The following NPLOC4 variants were observed in gnomAD, a reference collection of about 807,000 sequenced individuals.
NPLOC4 encodes nuclear protein localization protein 4 homolog.
A neutral mutation model predicts 80.6 loss-of-function variants in NPLOC4; 18 were observed. The observed-to-expected ratio is 0.22, with a 90% CI of 0.15 to 0.33. The LOEUF (loss-of-function observed/expected upper bound fraction) is 0.33. Among genes scored for constraint, NPLOC4 ranks in the 10% least tolerant of loss-of-function variants. The probability of loss-of-function intolerance (pLI) is 1.00; values close to 1 mark genes in which losing one functional copy is unlikely to be tolerated. For missense variants in NPLOC4, 540 were observed against 786.1 expected (o/e 0.69, Z 3.74); for synonymous variants, 313 against 301.5 (o/e 1.04, Z -0.39).
intron 8 of NPLOC4, among the ~76,000 whole-genome samples, chr17:81,602,082 G>A (rs1048181169): frequency 2.0e-5 from 3 of 152,080 alleles, no homozygotes; most frequent in Non-Finnish European, 4.4e-5. Context: ...GCATGCATGC[G>A]TGTGTGTATG....
At chr17:81,599,162 G>A (rs1205425115) in intron 9 of NPLOC4, among the ~76,000 whole-genome samples, 2 of 151,750 alleles carry the variant, frequency 1.3e-5, no homozygotes, top group African/African-American at 2.4e-5. Flanking sequence ...TGTGGCGGGT[G>A]CCTGTAATCC....
intron 1 of NPLOC4, among the ~76,000 whole-genome samples, chr17:81,632,582 G>T (rs1403454981): frequency 1.3e-5 from 2 of 152,018 alleles, no homozygotes; most frequent in African/African-American, 4.8e-5. Flanking sequence ...CCAAAGTGCT[G>T]GGATTACAGG....
At chr17:81,634,012 C>T (rs1483288468) in intron 1 of NPLOC4, among the ~76,000 whole-genome samples, 2 of 151,794 alleles carry the variant, frequency 1.3e-5, no homozygotes, top group African/African-American at 4.8e-5. Context: ...TACAGGTGCA[C>T]GCCACCACGC....
At chr17:81,633,645 A>G (rs920029887) in intron 1 of NPLOC4, among the ~76,000 whole-genome samples, 1 of 152,222 alleles carries the variant, frequency 6.6e-6, no homozygotes, top group Admixed American at 6.6e-5. Context: ...ATAAGAAAAT[A>G]AGACTAGAAC....
chr17:81,595,530 A>T (rs1407712846), intron 11 of NPLOC4, among the ~76,000 whole-genome samples: 43 of 113,158 alleles, frequency 3.8e-4, no homozygotes, highest in Middle Eastern at 4.3e-3. Context: ...ACATATATAT[A>T]TATATTTTTT....
chr17:81,608,925 CA>C, intron 5 of NPLOC4, 103 bp from the exon 6 acceptor site: 1 of 788,786 alleles, frequency 1.3e-6, no homozygotes, highest in South Asian at 1.7e-5. Context: ...ATGGCCTTGG[CA>C]AGTCAAGGCC....
rs550184223 is a variant in NPLOC4 at position 81,635,123 on chromosome 17, C to T, written c.15+1793G>A. ...TTGGTATGCCAAGGCGGGCGGATCA[C>T]GAGGTCAGAAGTTCGAGATCAACCT... On this transcript the variant is annotated intron_variant, in intron 1 of 16. Transcript: ENST00000331134. 2.6e-5 allele frequency among the ~76,000 whole-genome samples: 4 copies of T among 151,840 alleles called. No homozygotes were observed. In the East Asian group the frequency reaches 7.9e-4, roughly 30 times the overall value.
intron 2 of NPLOC4, among the ~76,000 whole-genome samples, chr17:81,627,249 G>C (rs890200165): frequency 2.0e-5 from 3 of 151,640 alleles, no homozygotes; most frequent in Non-Finnish European, 2.9e-5. Flanking sequence ...AACATTAGCC[G>C]GGCATGGTGG....
intron 11 of NPLOC4, among the ~76,000 whole-genome samples, chr17:81,592,274 C>A (rs756315514): frequency 6.6e-6 from 1 of 152,094 alleles, no homozygotes; most frequent in East Asian, 1.9e-4. Context: ...CCCGCATGGC[C>A]GTGACCAAGA....
At chr17:81,618,505 C>T (rs1321918416) in intron 3 of NPLOC4, among the ~76,000 whole-genome samples, 1 of 150,158 alleles carries the variant, frequency 6.7e-6, no homozygotes, top group African/African-American at 2.5e-5. Context: ...GCGACCCCGC[C>T]CGGCCAGCCG....
chr17:81,611,641 C>T (rs1364873680), intron 4 of NPLOC4, among the ~76,000 whole-genome samples: 2 of 151,764 alleles, frequency 1.3e-5, no homozygotes, highest in African/African-American at 2.4e-5. Context: ...TGAGCAACTG[C>T]GCCTGGCCAA....
intron 16 of NPLOC4, among the ~76,000 whole-genome samples, chr17:81,561,204 G>A (rs1167593877): frequency 6.6e-6 from 1 of 151,988 alleles, no homozygotes; most frequent in African/African-American, 2.4e-5. Context: ...ATGATCCACC[G>A]CCTCGGCCTC....
chr17:81,619,217 A>C (rs1197099440), intron 3 of NPLOC4, among the ~76,000 whole-genome samples: 50 of 151,502 alleles, frequency 3.3e-4, no homozygotes, highest in Non-Finnish European at 5.2e-4. Flanking sequence ...AAAAAAAAAA[A>C]ACACAAAAAA....
intron 3 of NPLOC4, among the ~76,000 whole-genome samples, chr17:81,620,367 G>A (rs1401025467): frequency 1.3e-5 from 2 of 152,054 alleles, no homozygotes; most frequent in African/African-American, 2.4e-5. Flanking sequence ...ATGGTGGCAC[G>A]AGCCTATAGT....
In NPLOC4 at chr17:81,558,480, C is replaced by T. The variant is rs570951451; in HGVS notation, c.*779G>A. Reference sequence around the variant, plus strand: ...TTCAAGGGAGAACTGACTGGTGCCCCCGTCCACACTCATCACCCTGGACAC... The same window carrying T: ...TTCAAGGGAGAACTGACTGGTGCCCTCGTCCACACTCATCACCCTGGACAC... On this transcript the variant is annotated 3_prime_UTR_variant, in exon 17 of 17. Coordinates refer to ENST00000331134, the MANE Select transcript of NPLOC4 (RefSeq NM_017921.4). 1 of 152,298 alleles carries T rather than the reference C, an allele frequency of 6.6e-6. No individual in the cohort carries two copies. Among genetic ancestry groups the T allele is most frequent in the Admixed American group, 6.5e-5 (1 of 15,298 alleles). 9.4% of individuals were successfully genotyped at this position (152,298 alleles called of 1,614,324 possible).
At chr17:81,610,958 C>CAA (rs1243703301) in intron 4 of NPLOC4, among the ~76,000 whole-genome samples, 271 of 15,516 alleles carry the variant, frequency 0.017, 23 homozygotes, top group African/African-American at 0.041. Flanking sequence ...GACTCCGTCT[C>CAA]AAAAAAAAAA....
intron 16 of NPLOC4, chr17:81,563,766 A>T (rs1009010875): frequency 2.9e-6 from 1 of 347,446 alleles, no homozygotes; most frequent in Non-Finnish European, 5.7e-6. Flanking sequence ...ATATTAAAAA[A>T]TTTTGCAGCC....
At chr17:81,602,950 C>T (rs913237501) in intron 8 of NPLOC4, among the ~76,000 whole-genome samples, 3 of 146,770 alleles carry the variant, frequency 2.0e-5, no homozygotes, top group Non-Finnish European at 4.5e-5. Context: ...TATACACACA[C>T]ATATATATAC....
intron 3 of NPLOC4, chr17:81,614,275 C>CAGAAAAA (rs2035420273): frequency 1.7e-5 from 1 of 60,168 alleles, no homozygotes; most frequent in Non-Finnish European, 2.9e-5. Context: ...GGCTCCATCT[C>CAGAAAAA]AAAAAAAAAA....
Sources: gnomAD v4.1 joint callset for allele counts (sites outside exome capture counted in the v4.1 genomes callset) on GRCh38, gnomAD v4.1.1 for gene constraint, MANE v1.5 for transcripts, NCBI Gene and HGNC (gene_info 2026-07-23, HGNC 2026-07-21) for gene names.